Variants in VPS53 observed in about 807,000 individuals in gnomAD.
VPS53 encodes vacuolar protein sorting-associated protein 53 homolog.
A neutral mutation model predicts 107.0 loss-of-function variants in VPS53; 70 were observed. That is an observed-to-expected ratio of 0.65 (90% CI 0.54 to 0.80). The LOEUF is 0.80. Ranked by LOEUF, VPS53 falls within the 30% of genes least tolerant of loss-of-function variation. VPS53 has a pLI of 0.00. For missense variants in VPS53, 917 were observed against 1,049.4 expected (o/e 0.87, Z 1.74); for synonymous variants, 409 against 393.3 (o/e 1.04, Z -0.47).
chr17:599,259 A>G (rs1968199010), intron 12 of VPS53, among the ~76,000 whole-genome samples: 2 of 152,086 alleles, frequency 1.3e-5, no homozygotes, highest in Non-Finnish European at 2.9e-5. Flanking sequence ...TGTACCCAAC[A>G]GCTCATTGAG....
intron 4 of VPS53, among the ~76,000 whole-genome samples, chr17:682,475 A>G (rs915418833): frequency 6.6e-6 from 1 of 152,194 alleles, no homozygotes; most frequent in Non-Finnish European, 1.5e-5. Context: ...AACCGTCTCC[A>G]TGTAGAAGGG....
At chr17:618,426 G>A (rs1485559964) in intron 11 of VPS53, among the ~76,000 whole-genome samples, 4 of 137,422 alleles carry the variant, frequency 2.9e-5, no homozygotes, top group East Asian at 4.2e-4. Context: ...AATATTTCCC[G>A]GGTAGCTGGG....
chr17:551,175 T>TA (rs1447786008), intron 17 of VPS53, among the ~76,000 whole-genome samples: 2 of 151,980 alleles, frequency 1.3e-5, no homozygotes, highest in African/African-American at 4.8e-5. Context: ...TCTGTGCACT[T>TA]ACGGAATTGA....
At chr17:658,787 G>A (rs1336667624) in intron 5 of VPS53, among the ~76,000 whole-genome samples, 1 of 151,668 alleles carries the variant, frequency 6.6e-6, no homozygotes, top group Non-Finnish European at 1.5e-5. Context: ...TGAGAAACTC[G>A]GCCGTGAGTT....
At chr17:573,170 G>C (rs1193490720) in intron 13 of VPS53, among the ~76,000 whole-genome samples, 2 of 152,236 alleles carry the variant, frequency 1.3e-5, no homozygotes, top group African/African-American at 4.8e-5. Flanking sequence ...GGAGTCACCA[G>C]TAACTTCCCT....
At chr17:665,151 C>G (rs1971628395) in intron 4 of VPS53, among the ~76,000 whole-genome samples, 1 of 152,208 alleles carries the variant, frequency 6.6e-6, no homozygotes, top group Non-Finnish European at 1.5e-5. Flanking sequence ...AAATGAATGG[C>G]ATTATCTCGG....
chr17:584,478 A>G (rs1415947108), intron 13 of VPS53, among the ~76,000 whole-genome samples: 2 of 152,216 alleles, frequency 1.3e-5, no homozygotes, highest in Non-Finnish European at 2.9e-5. Context: ...CTTTATAAAA[A>G]TATTTGGAGG....
chr17:603,055 G>A (rs1333145661), intron 11 of VPS53, among the ~76,000 whole-genome samples: 11 of 152,320 alleles, frequency 7.2e-5, no homozygotes, highest in Admixed American at 6.5e-4. Context: ...AGGGACAGCA[G>A]ATGGACTATA....
intron 15 of VPS53, among the ~76,000 whole-genome samples, chr17:554,444 C>T (rs1323088788): frequency 6.6e-6 from 1 of 152,036 alleles, no homozygotes; most frequent in African/African-American, 2.4e-5. Context: ...ACTCTTGTTG[C>T]CCAGGCTGGA....
intron 2 of VPS53, among the ~76,000 whole-genome samples, chr17:702,758 C>T (rs1973255034): frequency 6.6e-6 from 1 of 152,206 alleles, no homozygotes; most frequent in African/African-American, 2.4e-5. Context: ...CCTTCATTTC[C>T]AGGCTTTCTG....
At chr17:534,596 G>A (rs774605154) in intron 18 of VPS53, among the ~76,000 whole-genome samples, 7 of 152,138 alleles carry the variant, frequency 4.6e-5, no homozygotes, top group South Asian at 2.1e-4. Flanking sequence ...TGCACACAGC[G>A]CTTTGTAACC....
intron 4 of VPS53, among the ~76,000 whole-genome samples, chr17:672,108 T>TCA (rs1392614940): frequency 4.6e-4 from 14 of 30,300 alleles, no homozygotes; most frequent in African/African-American, 9.4e-4. Flanking sequence ...ATGATGAGGG[T>TCA]GACACACACA....
chr17:552,955 G>A, intron 16 of VPS53: 1 of 249,748 alleles, frequency 4.0e-6, no homozygotes, highest in Non-Finnish European at 7.3e-6. Flanking sequence ...GTGGAGAAAG[G>A]GCAGGCAGTG....
At chr17:559,216 A>T (rs539568925) in intron 15 of VPS53, among the ~76,000 whole-genome samples, 5 of 152,232 alleles carry the variant, frequency 3.3e-5, no homozygotes, top group Non-Finnish European at 7.3e-5. Flanking sequence ...TATGAATAAC[A>T]ATTGAAAAAA....
At chr17:537,474 G>A in intron 17 of VPS53, 1 of 278,978 alleles carries the variant, frequency 3.6e-6, no homozygotes, top group Non-Finnish European at 6.9e-6. Flanking sequence ...ACTCGTAAAG[G>A]ATCCTGTTCT....
intron 4 of VPS53, among the ~76,000 whole-genome samples, chr17:668,252 G>C (rs545681526): frequency 6.6e-6 from 1 of 152,312 alleles, no homozygotes; most frequent in South Asian, 2.1e-4. Context: ...TTCTCAAAGT[G>C]ACTCTGGTGA....
At chr17:523,205 G>GCAACCA (rs777045610) in intron 19 of VPS53, 392 of 153,008 alleles carry the variant, frequency 2.6e-3, no homozygotes, top group Admixed American at 8.2e-3. Flanking sequence ...TGGCAACCAG[G>GCAACCA]GAGCAGAGAA....
At chr17:695,154 A>G (rs368773524) in intron 4 of VPS53, among the ~76,000 whole-genome samples, 15 of 152,336 alleles carry the variant, frequency 9.8e-5, no homozygotes, top group Middle Eastern at 3.4e-3. Context: ...AAGCCAAATG[A>G]AAAGTACAAG....
chr17:532,939 A>G, intron 18 of VPS53, 28 bp from the exon 19 acceptor site: 1 of 1,608,890 alleles, frequency 6.2e-7, no homozygotes, highest in Non-Finnish European at 8.5e-7. Context: ...GTGACAAATT[A>G]GGCTTATTCT....
Sources: allele counts gnomAD v4.1 joint callset (sites outside exome capture counted in the v4.1 genomes callset), GRCh38; gene constraint gnomAD v4.1.1; transcripts MANE v1.5; gene names NCBI Gene and HGNC (gene_info 2026-07-23, HGNC 2026-07-21).